RBFOX1: variants seen among roughly 807,000 people sequenced by gnomAD.
RBFOX1 encodes the protein RNA binding fox-1 homolog 1, also known as RNA binding protein fox-1 homolog 1.
In RBFOX1, 8 loss-of-function variants were observed where a neutral mutation model predicts 57.7. That is an observed-to-expected ratio of 0.14 (90% CI 0.08 to 0.25). The LOEUF (loss-of-function observed/expected upper bound fraction) is 0.25. Among genes scored for constraint, RBFOX1 ranks in the 10% least tolerant of loss-of-function variants. RBFOX1 has a pLI of 1.00. For synonymous variants in RBFOX1, 326 were observed against 222.4 expected (o/e 1.47, Z -4.15); for missense variants, 611 against 548.5 (o/e 1.11, Z -1.14).
intron 2 of RBFOX1, among the ~76,000 whole-genome samples, chr16:6,378,345 C>T (rs910222864): frequency 6.6e-6 from 1 of 152,244 alleles, no homozygotes; most frequent in African/African-American, 2.4e-5. Context: ...GACCCAGACC[C>T]TGCGATCCTG....
At chr16:6,873,686 T>C (rs530407093) in intron 3 of RBFOX1, among the ~76,000 whole-genome samples, 1 of 152,218 alleles carries the variant, frequency 6.6e-6, no homozygotes, top group African/African-American at 2.4e-5. Flanking sequence ...TGAGTATTTA[T>C]GGCATCATGA....
At chr16:5,841,324 T>C (rs1450326748) in intron 3 of RBFOX1, among the ~76,000 whole-genome samples, 1 of 152,148 alleles carries the variant, frequency 6.6e-6, no homozygotes, top group Non-Finnish European at 1.5e-5. Flanking sequence ...TCAGGGAATG[T>C]TCTTATCACC....
chr16:6,912,914 C>G (rs919459674), intron 3 of RBFOX1, among the ~76,000 whole-genome samples: 1 of 152,132 alleles, frequency 6.6e-6, no homozygotes, highest in African/African-American at 2.4e-5. Flanking sequence ...GCCACCAAGC[C>G]CAGCCTAGAG....
At chr16:7,515,597 C>T (rs573009813) in intron 4 of RBFOX1, among the ~76,000 whole-genome samples, 1 of 152,046 alleles carries the variant, frequency 6.6e-6, no homozygotes, top group Non-Finnish European at 1.5e-5. Flanking sequence ...AGTTATACAC[C>T]TTACATGTAT....
chr16:6,999,313 T>C (rs1662805874), intron 3 of RBFOX1, among the ~76,000 whole-genome samples: 1 of 151,120 alleles, frequency 6.6e-6, no homozygotes, highest in African/African-American at 2.4e-5. Context: ...TGCCTCGGCC[T>C]CCAAAAGTGA....
intron 4 of RBFOX1, among the ~76,000 whole-genome samples, chr16:7,171,108 C>A (rs922709264): frequency 9.2e-5 from 14 of 152,318 alleles, no homozygotes; most frequent in African/African-American, 3.4e-4. Context: ...TCTTCCCAAA[C>A]CCTCTCCCTA....
At chr16:6,401,001 A>T (rs1486862818) in intron 2 of RBFOX1, among the ~76,000 whole-genome samples, 1 of 152,246 alleles carries the variant, frequency 6.6e-6, no homozygotes, top group Non-Finnish European at 1.5e-5. Flanking sequence ...AGAAATACAC[A>T]AAACTTGGAA....
intron 2 of RBFOX1, among the ~76,000 whole-genome samples, chr16:6,319,870 A>G (rs957205937): frequency 6.6e-6 from 1 of 152,210 alleles, no homozygotes; most frequent in Non-Finnish European, 1.5e-5. Flanking sequence ...CAGGCTAAAA[A>G]TCCCATGGCA....
At chr16:6,402,621 C>G (rs1271510625) in intron 2 of RBFOX1, among the ~76,000 whole-genome samples, 2 of 152,192 alleles carry the variant, frequency 1.3e-5, no homozygotes, top group African/African-American at 4.8e-5. Context: ...TCCTCTGCCT[C>G]CTTCCACTAC....
chr16:6,350,485 A>C (rs1165517443), intron 2 of RBFOX1, among the ~76,000 whole-genome samples: 64 of 108,644 alleles, frequency 5.9e-4, no homozygotes, highest in African/African-American at 1.9e-3. Flanking sequence ...AAAAAAAAAA[A>C]AAAAAAAAAA....
chr16:6,957,069 T>A (rs1185041242), intron 3 of RBFOX1, among the ~76,000 whole-genome samples: 1 of 139,734 alleles, frequency 7.2e-6, no homozygotes, highest in Non-Finnish European at 1.5e-5. Context: ...CAAGGGCTGC[T>A]GGTTGCCCAT....
intron 3 of RBFOX1, among the ~76,000 whole-genome samples, chr16:5,830,654 C>A (rs1379056017): frequency 1.3e-5 from 2 of 152,152 alleles, no homozygotes; most frequent in African/African-American, 2.4e-5. Context: ...CTAGGATGAT[C>A]TTTGAGGCCA....
intron 1 of RBFOX1, among the ~76,000 whole-genome samples, chr16:6,305,910 T>G (rs1053669155): frequency 1.3e-5 from 2 of 151,984 alleles, no homozygotes; most frequent in Non-Finnish European, 2.9e-5. Flanking sequence ...GAGCTGGACA[T>G]GAGGTAGGTA....
chr16:5,676,262 A>T (rs1054441925), intron 3 of RBFOX1, among the ~76,000 whole-genome samples: 2 of 152,172 alleles, frequency 1.3e-5, no homozygotes, highest in Non-Finnish European at 2.9e-5. Flanking sequence ...TAAAAAAAAA[A>T]AATAAAGGAA....
In RBFOX1 at chr16:6,789,025, G is replaced by T. The variant is rs1004690067; in HGVS notation, c.-16+134375G>T. ...CACTTCTGGATGGACCCAGTCTGAA[G>T]ATGGTTCTCCTGCTGTATAGAAACA... On this transcript the variant is annotated intron_variant, in intron 3 of 15. Transcript: ENST00000550418. Among the ~76,000 whole-genome samples the T allele has an allele frequency of 7.2e-5, 11 of 152,230 alleles. 1 individual carries two copies. In the South Asian group the frequency reaches 1.9e-3, roughly 26 times the overall value.
Position 7,483,214 on chromosome 16 carries a change from C to T in RBFOX1, c.28-34933C>T, listed in dbSNP as rs574662041. Among the ~76,000 whole-genome samples the T allele has an allele frequency of 1.1e-4, 17 of 152,330 alleles. No individual in the cohort carries two copies. The South Asian group carries it at 3.3e-3, about 30-fold the overall frequency. ...TACTATGTGACTGCGGAAATAGACT[C>T]ATCAAACTATTTTGGGTCCCTCCTG... On this transcript the variant is annotated intron_variant, in intron 4 of 15. Transcript: ENST00000550418.
intron 1 of RBFOX1, among the ~76,000 whole-genome samples, chr16:6,150,259 A>G (rs903330136): frequency 6.6e-6 from 1 of 152,136 alleles, no homozygotes; most frequent in South Asian, 2.1e-4. Context: ...ATTTTGGATT[A>G]ACAGAATCCC....
chr16:7,187,688 CACAAAAAAAAAAAA>C (rs1460040712), intron 4 of RBFOX1, among the ~76,000 whole-genome samples: 6 of 43,226 alleles, frequency 1.4e-4, no homozygotes, highest in Admixed American at 4.0e-4. Context: ...GACTCTGTCT[CACAAAAAAAAAAAA>C]AAAAAAAAAA....
At chr16:6,867,016 TAAA>T (rs34911904) in intron 3 of RBFOX1, among the ~76,000 whole-genome samples, 12,124 of 140,824 alleles carry the variant, frequency 0.086, 541 homozygotes, top group South Asian at 0.18. Context: ...AGCTGTTCTT[TAAA>T]AAAAAAAAAA....
Sources: gnomAD v4.1 joint callset for allele counts (sites outside exome capture counted in the v4.1 genomes callset) on GRCh38, gnomAD v4.1.1 for gene constraint, MANE v1.5 for transcripts, NCBI Gene and HGNC (gene_info 2026-07-23, HGNC 2026-07-21) for gene names.